C3orf49: variants seen among roughly 807,000 people sequenced by gnomAD.
The protein encoded by C3orf49 is putative uncharacterized protein C3orf49.
A neutral mutation model predicts 13.3 loss-of-function variants in C3orf49; 27 were observed. The ratio of observed to expected loss-of-function variants is 2.02; its 90% confidence interval spans 1.49 to 2.79. The LOEUF is 2.79. Among genes scored for constraint, C3orf49 ranks in the 30% most tolerant of loss-of-function variants. The pLI, the probability that C3orf49 is intolerant of heterozygous loss-of-function variation, is 0.00. For missense variants in C3orf49, 242 were observed against 134.2 expected (o/e 1.80, Z -3.97); for synonymous variants, 87 against 47.6 (o/e 1.83, Z -3.40).
intron 6 of C3orf49, among the ~76,000 whole-genome samples, chr3:63,847,747 C>CA (rs1388230010): frequency 2.0e-5 from 3 of 151,622 alleles, no homozygotes; most frequent in African/African-American, 4.8e-5. Context: ...AAAAAACAAA[C>CA]AAAAAAAACA....
chr3:63,786,120 C>T, the C3orf49 span: 1 of 152,062 alleles, frequency 6.6e-6, no homozygotes, highest in Non-Finnish European at 1.5e-5. Context: ...GATACATCAA[C>T]TACTTCCCTG....
the C3orf49 span, among the ~76,000 whole-genome samples, chr3:63,797,951 C>T: frequency 1.3e-5 from 2 of 152,106 alleles, no homozygotes; most frequent in Non-Finnish European, 2.9e-5. Flanking sequence ...TCATCTTTCA[C>T]CTTTCATCTT....
intron 6 of C3orf49, among the ~76,000 whole-genome samples, chr3:63,847,931 G>A (rs982104530): frequency 3.3e-5 from 5 of 152,132 alleles, no homozygotes; most frequent in African/African-American, 7.2e-5. Context: ...GCCATGATGG[G>A]AATGGGGGTG....
the C3orf49 span, among the ~76,000 whole-genome samples, chr3:63,793,866 T>C: frequency 6.6e-6 from 1 of 152,102 alleles, no homozygotes; most frequent in Non-Finnish European, 1.5e-5. Context: ...GCTCAATAAA[T>C]AATTGTTGGT....
chr3:63,808,030 G>A, the C3orf49 span, among the ~76,000 whole-genome samples: 4 of 151,982 alleles, frequency 2.6e-5, no homozygotes, highest in African/African-American at 9.7e-5. Context: ...GGAGGAGAAC[G>A]ACATAATGAA....
In C3orf49 at chr3:63,848,498, A is replaced by G. The variant is rs574396122; in HGVS notation, c.*165A>G. The G allele has an allele frequency of 7.2e-5, 11 of 152,280 alleles. No individual in the cohort carries two copies. The highest frequency in any genetic ancestry group is 2.6e-4 in the African/African-American group (11 of 41,568). 9.4% of individuals were successfully genotyped at this position (152,280 alleles called of 1,614,324 possible). A position where few individuals can be genotyped will look rare whatever the true frequency, so the allele number is the denominator to read the frequency against. On this transcript the variant is annotated 3_prime_UTR_variant, in exon 7 of 7. Transcript: ENST00000295896. ...ACCAATATACATCTTACGTGTATTCATTGATGTCTGCCTGTAACTTCTGTC... is the reference window on the plus strand; with the variant it reads ...ACCAATATACATCTTACGTGTATTCGTTGATGTCTGCCTGTAACTTCTGTC...
chr3:63,817,232 G>A (rs959761227), upstream of C3orf49, among the ~76,000 whole-genome samples: 18 of 152,126 alleles, frequency 1.2e-4, no homozygotes, highest in African/African-American at 4.1e-4. Flanking sequence ...CTTTCCTAAC[G>A]CTCCATCTAA....
intron 3 of C3orf49, among the ~76,000 whole-genome samples, chr3:63,828,563 G>C (rs1422800416): frequency 6.6e-6 from 1 of 152,170 alleles, no homozygotes; most frequent in Non-Finnish European, 1.5e-5. Context: ...GTCTCCCAAA[G>C]TGCTGGAATT....
At chr3:63,832,950 A>G (rs1701552923) in intron 5 of C3orf49, 1 of 152,228 alleles carries the variant, frequency 6.6e-6, no homozygotes, top group East Asian at 1.9e-4. Context: ...TGATTCATGC[A>G]AAGTGTCATG....
upstream of C3orf49, among the ~76,000 whole-genome samples, chr3:63,815,699 T>C (rs907684763): frequency 1.6e-4 from 25 of 152,106 alleles, no homozygotes; most frequent in African/African-American, 5.3e-4. Context: ...TTTGGAGGAG[T>C]GCCCACTCCC....
chr3:63,808,640 A>T, the C3orf49 span, among the ~76,000 whole-genome samples: 1 of 152,212 alleles, frequency 6.6e-6, no homozygotes, highest in Admixed American at 6.5e-5. Context: ...TTCAGGTCCT[A>T]TTGCCTCTTC....
At chr3:63,818,450 G>A (rs904294797), upstream of C3orf49, among the ~76,000 whole-genome samples, 3 of 152,164 alleles carry the variant, frequency 2.0e-5, no homozygotes, top group East Asian at 1.9e-4. Flanking sequence ...CATCATCAGC[G>A]TCACCTGCGG....
At chr3:63,839,114 T>TG (rs1024490416) in intron 5 of C3orf49, among the ~76,000 whole-genome samples, 1 of 151,970 alleles carries the variant, frequency 6.6e-6, no homozygotes, top group Non-Finnish European at 1.5e-5. Flanking sequence ...TGCTTGAACC[T>TG]GGGGGGCGGA....
intron 5 of C3orf49, among the ~76,000 whole-genome samples, chr3:63,834,373 A>G (rs79275772): frequency 6.6e-6 from 1 of 152,052 alleles, no homozygotes; most frequent in African/African-American, 2.4e-5. Flanking sequence ...AAAAAAAAAA[A>G]TCCAGGCAGG....
intron 5 of C3orf49, among the ~76,000 whole-genome samples, chr3:63,836,844 C>T (rs1701644110): frequency 6.6e-6 from 1 of 151,840 alleles, no homozygotes; most frequent in South Asian, 2.1e-4. Flanking sequence ...GTTCTATTTT[C>T]TGCTCCACTG....
intron 5 of C3orf49, among the ~76,000 whole-genome samples, chr3:63,844,608 G>A (rs1701846684): frequency 1.3e-5 from 2 of 152,188 alleles, no homozygotes; most frequent in Admixed American, 1.3e-4. Context: ...GTGCCCTGAT[G>A]AACAGGCTTA....
chr3:63,783,567 A>ACACAC, the C3orf49 span, among the ~76,000 whole-genome samples: 1 of 112,158 alleles, frequency 8.9e-6, no homozygotes, highest in Non-Finnish European at 2.0e-5. Flanking sequence ...CACACACACA[A>ACACAC]ATTAGCCAGG....
chr3:63,825,583 T>C (rs1701456373), intron 2 of C3orf49, among the ~76,000 whole-genome samples: 1 of 152,192 alleles, frequency 6.6e-6, no homozygotes, highest in Non-Finnish European at 1.5e-5. Flanking sequence ...GAATAACAAA[T>C]ATCAACTAAG....
At chr3:63,811,288 G>A in the C3orf49 span, among the ~76,000 whole-genome samples, 1 of 149,924 alleles carries the variant, frequency 6.7e-6, no homozygotes, top group Admixed American at 6.7e-5. Flanking sequence ...GCCAGGCGAG[G>A]TGCCTCGCAC....
Sources: allele counts gnomAD v4.1 joint callset (sites outside exome capture counted in the v4.1 genomes callset), GRCh38; gene constraint gnomAD v4.1.1; transcripts MANE v1.5; gene names NCBI Gene and HGNC (gene_info 2026-07-23, HGNC 2026-07-21).